The following IQANK1 variants were observed in gnomAD, a reference collection of about 807,000 sequenced individuals.
IQANK1 encodes IQ motif and ankyrin repeat containing 1, also known as IQ motif and ankyrin repeat domain-containing protein 1.
In IQANK1, 30 loss-of-function variants were observed where a neutral mutation model predicts 22.6. The observed-to-expected ratio is 1.33, with a 90% confidence interval of 0.99 to 1.80. IQANK1 has a LOEUF of 1.80. Ranked by LOEUF, IQANK1 falls within the 40% of genes most tolerant of loss-of-function variation. The pLI, the probability that IQANK1 is intolerant of heterozygous loss-of-function variation, is 0.00. For missense variants in IQANK1, 275 were observed against 235.2 expected (o/e 1.17, Z -1.11); for synonymous variants, 122 against 99.6 (o/e 1.23, Z -1.34).
At chr8:143,749,346 C>CAT (rs10658556) in intron 3 of IQANK1, among the ~76,000 whole-genome samples, 123,387 of 125,062 alleles carry the variant, frequency 0.99, 60,882 homozygotes, top group South Asian at 1. Flanking sequence ...TATATAAAAA[C>CAT]ATAAATATAT....
chr8:143,789,427 C>T lies in IQANK1; in HGVS notation c.994-9C>T, dbSNP rs1587498382. ...AGCCTTGCCAGGGCCTGCCCGTACGCCCACCCAGCTGCAACAGGCCTACTG... is the reference window on the plus strand; with the variant it reads ...AGCCTTGCCAGGGCCTGCCCGTACGTCCACCCAGCTGCAACAGGCCTACTG... On this transcript the variant is annotated splice_polypyrimidine_tract_variant and intron_variant, in intron 9 of 13. Transcript: ENST00000527139. 2.5e-6 allele frequency: 3 copies of T among 1,222,352 alleles called. No homozygotes were observed. The highest frequency in any genetic ancestry group is 6.3e-5 in the East Asian group (2 of 31,676). The allele number at this position is 1,222,352 out of a possible 1,614,324, so 75.7% of individuals were successfully genotyped here.
intron 3 of IQANK1, chr8:143,742,770 G>GTGGC (rs57456348): frequency 0.021 from 9,719 of 456,036 alleles, 784 homozygotes; most frequent in African/African-American, 0.17. Flanking sequence ...ACCAGACAGT[G>GTGGC]TGGCCCAAGC....
intron 10 of IQANK1, 37 bp downstream of exon 10, chr8:143,789,565 C>T (rs1412874158): frequency 8.1e-7 from 1 of 1,231,884 alleles, no homozygotes; most frequent in African/African-American, 1.6e-5. Context: ...GCCCCTGCGT[C>T]CTCAACACCC....
chr8:143,734,778 C>T (rs1385236189), intron 1 of IQANK1, among the ~76,000 whole-genome samples: 1 of 152,030 alleles, frequency 6.6e-6, no homozygotes, highest in African/African-American at 2.4e-5. Context: ...AAAAACCAAG[C>T]CCCAACGGAC....
chr8:143,750,190 G>C (rs1473675121), intron 3 of IQANK1, among the ~76,000 whole-genome samples: 1 of 151,700 alleles, frequency 6.6e-6, no homozygotes, highest in African/African-American at 2.4e-5. Flanking sequence ...TAGAGACGAG[G>C]TTTCTCCATG....
chr8:143,769,559 A>C (rs1819536654), intron 3 of IQANK1, among the ~76,000 whole-genome samples: 1 of 152,162 alleles, frequency 6.6e-6, no homozygotes. Context: ...CATCCTGTTT[A>C]TTAGCTAAAT....
chr8:143,769,276 T>C (rs1819531170), intron 3 of IQANK1, among the ~76,000 whole-genome samples: 1 of 151,894 alleles, frequency 6.6e-6, no homozygotes, highest in African/African-American at 2.4e-5. Flanking sequence ...CCCAGGCTGG[T>C]CTTGAACTTC....
intron 3 of IQANK1, chr8:143,743,901 T>C: frequency 2.4e-6 from 1 of 422,936 alleles, no homozygotes; most frequent in Non-Finnish European, 4.7e-6. Context: ...GCACTGGGGC[T>C]TGGCTCACTG....
chr8:143,780,313 G>C (rs948982445), intron 7 of IQANK1, among the ~76,000 whole-genome samples: 3 of 152,094 alleles, frequency 2.0e-5, no homozygotes, highest in African/African-American at 7.2e-5. Context: ...CTTAAGCACA[G>C]AGATGTTAAG....
At chr8:143,740,069 T>G in intron 3 of IQANK1, 121 bp downstream of exon 3, 1 of 542,472 alleles carries the variant, frequency 1.8e-6, no homozygotes, top group Middle Eastern at 4.7e-4. Context: ...CACATGTGCT[T>G]GTGCGCGCAC....
At chr8:143,742,213 C>A in intron 3 of IQANK1, 1 of 367,748 alleles carries the variant, frequency 2.7e-6, no homozygotes, top group Non-Finnish European at 5.5e-6. Flanking sequence ...CCTGGAGAGC[C>A]AGCCCAGCCC....
At chr8:143,761,074 C>T (rs1454700793) in intron 3 of IQANK1, among the ~76,000 whole-genome samples, 1 of 152,210 alleles carries the variant, frequency 6.6e-6, no homozygotes, top group African/African-American at 2.4e-5. Context: ...GGCGTCAATG[C>T]GGGTTTCGCC....
intron 3 of IQANK1, among the ~76,000 whole-genome samples, chr8:143,752,196 C>CCT (rs1381532050): frequency 6.6e-6 from 1 of 152,118 alleles, no homozygotes; most frequent in Admixed American, 6.6e-5. Context: ...AAACTCCTGA[C>CCT]CTCAGGTGAT....
intron 3 of IQANK1, chr8:143,743,846 C>T (rs11991664): frequency 7.9e-6 from 3 of 379,148 alleles, no homozygotes; most frequent in Admixed American, 3.1e-5. Flanking sequence ...GATTCTTTTT[C>T]TTTTTTTTTT....
At chr8:143,788,578 G>A (rs918894986) in intron 7 of IQANK1, among the ~76,000 whole-genome samples, 1 of 152,244 alleles carries the variant, frequency 6.6e-6, no homozygotes, top group African/African-American at 2.4e-5. Context: ...GGCCTCAGGC[G>A]TGTACTTGAG....
chr8:143,789,301 A>T (rs1421691270), intron 9 of IQANK1, 58 bp downstream of exon 9: 1 of 371,982 alleles, frequency 2.7e-6, no homozygotes, highest in African/African-American at 2.4e-5. Context: ...GGTGGGGAGG[A>T]GGGGGAGCCG....
chr8:143,747,175 G>A (rs1000772658), intron 3 of IQANK1, among the ~76,000 whole-genome samples: 2 of 152,122 alleles, frequency 1.3e-5, no homozygotes, highest in Admixed American at 1.3e-4. Context: ...CACCGCGCCC[G>A]GCCTATATTT....
At chr8:143,749,093 T>C (rs1212406576) in intron 3 of IQANK1, among the ~76,000 whole-genome samples, 2 of 122,494 alleles carry the variant, frequency 1.6e-5, no homozygotes, top group African/African-American at 6.6e-5. Flanking sequence ...TGTATATAAA[T>C]ATATAGCATA....
chr8:143,789,327 G>A, intron 9 of IQANK1, 84 bp downstream of exon 9: 1 of 495,982 alleles, frequency 2.0e-6, no homozygotes. Flanking sequence ...GGGCCAGGAA[G>A]CTGGGGGAAG....
Sources: allele counts gnomAD v4.1 joint callset (sites outside exome capture counted in the v4.1 genomes callset), GRCh38; gene constraint gnomAD v4.1.1; transcripts MANE v1.5; gene names NCBI Gene and HGNC (gene_info 2026-07-23, HGNC 2026-07-21).